The following NOP14 variants were observed in gnomAD, a reference collection of about 807,000 sequenced individuals.
NOP14 encodes the protein nucleolar protein 14.
Under a neutral mutation model 101.6 loss-of-function variants are expected in NOP14, and 57 were observed. The observed-to-expected ratio is 0.56, with a 90% CI of 0.45 to 0.70. The LOEUF is 0.70. Ranked by LOEUF, NOP14 falls within the 30% of genes least tolerant of loss-of-function variation. NOP14 has a pLI of 0.00. For missense variants in NOP14, 1,134 were observed against 1,075.5 expected (o/e 1.05, Z -0.76); for synonymous variants, 428 against 424.0 (o/e 1.01, Z -0.12).
intron 8 of NOP14, among the ~76,000 whole-genome samples, chr4:2,949,077 G>T (rs776680454): frequency 3.3e-5 from 5 of 152,206 alleles, no homozygotes; most frequent in Non-Finnish European, 5.9e-5. Flanking sequence ...GAGCCAAGCA[G>T]TGTCAGCTCA....
intron 6 of NOP14, among the ~76,000 whole-genome samples, chr4:2,951,855 C>T (rs1490301497): frequency 6.6e-6 from 1 of 152,196 alleles, no homozygotes; most frequent in Non-Finnish European, 1.5e-5. Flanking sequence ...CACCTGTAAT[C>T]CCAGCACTTT....
intron 1 of NOP14, among the ~76,000 whole-genome samples, chr4:2,961,179 ATATATTAATATGC>A: frequency 5.1e-4 from 11 of 21,654 alleles, no homozygotes; most frequent in African/African-American, 3.0e-3. Context: ...TATTACAATA[ATATATTAATATGC>A]TAATATTATA....
At chr4:2,948,246 C>G in intron 9 of NOP14, 32 bp downstream of exon 9, 1 of 1,570,696 alleles carries the variant, frequency 6.4e-7, no homozygotes, top group Non-Finnish European at 8.6e-7. Flanking sequence ...TGCTGACACT[C>G]CCAGCGCTCC....
rs1331173100 is a variant in NOP14, at chr4:2,938,444, C to T, written c.*387G>A. The T allele has an allele frequency of 3.4e-5, 12 of 350,920 alleles. No homozygotes were observed. The highest frequency in any genetic ancestry group is 4.0e-5 in the Admixed American group (1 of 25,262). The allele number at this position is 350,920 out of a possible 1,614,324, so 21.7% of individuals were successfully genotyped here. A position where few individuals can be genotyped will look rare whatever the true frequency, so the allele number is the denominator to read the frequency against. ...CTGAGGCAGGAGAATCGCTTGAACC[C>T]AGGAGGTGGAGGTTGTGCCATTGCA... On this transcript the variant is annotated 3_prime_UTR_variant, in exon 18 of 18. Transcript: ENST00000416614.
intron 14 of NOP14, 51 bp downstream of exon 14, chr4:2,942,141 C>T (rs1303450082): frequency 3.8e-6 from 6 of 1,563,862 alleles, no homozygotes; most frequent in South Asian, 1.2e-5. Context: ...CTTCTCCTGC[C>T]TCTGGGGACG....
At chr4:2,959,399 T>A (rs554217109) in intron 1 of NOP14, among the ~76,000 whole-genome samples, 6 of 152,094 alleles carry the variant, frequency 3.9e-5, no homozygotes, top group Non-Finnish European at 8.8e-5. Flanking sequence ...AAGACCATCC[T>A]GGGTAACATG....
intron 5 of NOP14, among the ~76,000 whole-genome samples, chr4:2,952,937 T>G (rs760231398): frequency 9.2e-5 from 14 of 152,220 alleles, no homozygotes; most frequent in Non-Finnish European, 1.5e-4. Flanking sequence ...CGAGACTCCG[T>G]CTCAAACAAC....
At position 2,952,270 on chromosome 4, in the gene NOP14, C is replaced by A. The variant is rs1372900453; in HGVS notation, c.870+5G>T. On this transcript the variant is annotated splice_donor_5th_base_variant and intron_variant, in intron 6 of 17. Transcript: ENST00000416614. ...AGCCCTGCTCCTGAGGTGCTGCCAC[C>A]CTACCTCCAGCTTCCTGAGGTGCTC... 6.2e-7 allele frequency: 1 copy of A among 1,613,026 alleles called. No homozygotes were observed. The highest frequency in any genetic ancestry group is 1.7e-5 in the Admixed American group (1 of 60,012).
At chr4:2,946,925 G>A (rs1028096748) in intron 10 of NOP14, 9 of 271,142 alleles carry the variant, frequency 3.3e-5, no homozygotes, top group African/African-American at 2.0e-4. Flanking sequence ...GGAGAGCTCC[G>A]CGCGGCACAG....
At chr4:2,959,141 C>G (rs1306240394) in intron 1 of NOP14, among the ~76,000 whole-genome samples, 1 of 152,126 alleles carries the variant, frequency 6.6e-6, no homozygotes, top group Non-Finnish European at 1.5e-5. Context: ...AGTAGGAAAC[C>G]ATCCATTAGT....
intron 2 of NOP14, among the ~76,000 whole-genome samples, 164 bp downstream of exon 2, chr4:2,957,442 G>C (rs1467347514): frequency 6.6e-6 from 1 of 152,256 alleles, no homozygotes; most frequent in East Asian, 1.9e-4. Flanking sequence ...AGAAGAGGTT[G>C]CTTCTCCTTT....
At chr4:2,950,452 G>A (rs1013372750) in intron 7 of NOP14, 7 of 564,490 alleles carry the variant, frequency 1.2e-5, no homozygotes, top group East Asian at 6.0e-5. Context: ...TGCTGGGCGC[G>A]GTTCAGCTTT....
chr4:2,959,469 T>G (rs1238793871), intron 1 of NOP14, among the ~76,000 whole-genome samples: 24 of 151,966 alleles, frequency 1.6e-4, no homozygotes. Flanking sequence ...GGCGGGCGCC[T>G]GTAGTCCCAG....
At chr4:2,946,795 G>A (rs1378947632) in intron 10 of NOP14, 2 of 504,200 alleles carry the variant, frequency 4.0e-6, no homozygotes, top group South Asian at 2.2e-5. Context: ...ACGTTGTTGG[G>A]GGCACCACTC....
At chr4:2,958,885 GAA>G (rs772400136) in intron 1 of NOP14, among the ~76,000 whole-genome samples, 17 of 152,174 alleles carry the variant, frequency 1.1e-4, no homozygotes, top group Non-Finnish European at 2.4e-4. Context: ...GGAAGAGGAG[GAA>G]AAGAGAGTGG....
At position 2,947,621 on chromosome 4, in the gene NOP14, C is replaced by G; in HGVS notation, c.1414-10G>C. The G allele has an allele frequency of 6.2e-7, 1 of 1,611,574 alleles. No individual in the cohort carries two copies. The highest frequency in any genetic ancestry group is 8.5e-7 in the Non-Finnish European group (1 of 1,177,862). ...GAAAGCCAAACAGTTTCTGCAGGAA[C>G]ATGAATTGGGAAATAAAGCTCAGTG... On this transcript the variant is annotated splice_polypyrimidine_tract_variant and intron_variant, in intron 9 of 17. Transcript: ENST00000416614.
intron 11 of NOP14, among the ~76,000 whole-genome samples, chr4:2,945,708 T>C (rs959399230): frequency 6.6e-6 from 1 of 152,212 alleles, no homozygotes; most frequent in East Asian, 1.9e-4. Context: ...TTGAATAACA[T>C]AGAAACCGAG....
intron 10 of NOP14, 178 bp from the exon 11 acceptor site, chr4:2,946,725 A>G: frequency 1.6e-6 from 1 of 607,540 alleles, no homozygotes. Flanking sequence ...TTTCCTAAAA[A>G]CTCGGCCATA....
intron 10 of NOP14, 124 bp from the exon 11 acceptor site, chr4:2,946,671 C>T: frequency 1.3e-6 from 1 of 781,228 alleles, no homozygotes; most frequent in South Asian, 1.7e-5. Flanking sequence ...GATGAATCCG[C>T]TTTTTCTAAC....
Sources: allele counts gnomAD v4.1 joint callset (sites outside exome capture counted in the v4.1 genomes callset), GRCh38; gene constraint gnomAD v4.1.1; transcripts MANE v1.5; gene names NCBI Gene and HGNC (gene_info 2026-07-23, HGNC 2026-07-21).